The following ZBTB24 variants were observed in gnomAD, a reference collection of about 807,000 sequenced individuals.
The protein encoded by ZBTB24 is zinc finger and BTB domain-containing protein 24.
In ZBTB24, 32 loss-of-function variants were observed where a neutral mutation model predicts 53.8. The ratio of observed to expected loss-of-function variants is 0.60; its 90% CI spans 0.45 to 0.80. The LOEUF (loss-of-function observed/expected upper bound fraction) is 0.80. ZBTB24 is among the 30% of genes least tolerant of loss of function. The pLI is 0.00. For synonymous variants in ZBTB24, 297 were observed against 306.7 expected, an observed-to-expected ratio of 0.97 and a Z score of 0.33; for missense variants, 722 against 837.1, an observed-to-expected ratio of 0.86 and a Z score of 1.70.
At chr6:109,476,311 A>G in intron 3 of ZBTB24, 53 bp from the exon 4 acceptor site, 1 of 1,589,216 alleles carries the variant, frequency 6.3e-7, no homozygotes, top group South Asian at 1.1e-5. Flanking sequence ...AAGAACTGGA[A>G]TGCTCACTAA....
chr6:109,466,647 GC>G, intron 6 of ZBTB24, 73 bp from the exon 7 acceptor site: 1 of 1,573,256 alleles, frequency 6.4e-7, no homozygotes, highest in Non-Finnish European at 8.6e-7. Flanking sequence ...TTAGGGGGAA[GC>G]AATCAAGAGT....
At chr6:109,478,657 C>T (rs567040579) in intron 2 of ZBTB24, among the ~76,000 whole-genome samples, 4 of 152,104 alleles carry the variant, frequency 2.6e-5, no homozygotes, top group Non-Finnish European at 2.9e-5. Flanking sequence ...TCGGAGATCA[C>T]GCCATTGCAC....
rs770337922 is a variant in ZBTB24 at position 109,481,534 on chromosome 6, G to A, written c.493C>T (p.Pro165Ser). Residue 165 changes from proline (P) to serine (S), a missense_variant, in exon 2 of 7, where the codon CCA (proline) becomes TCA (serine). Coordinates refer to ENST00000230122, the MANE Select transcript of ZBTB24 (RefSeq NM_014797.3). ...NDPPKRKRGRPKKVNTLQEEK... is the reference protein window; with the variant it reads ...NDPPKRKRGRSKKVNTLQEEK... The stretch of plus-strand genomic sequence containing the variant: ...TCCTGCAATGTATTGACTTTTTTTG[G>A]TCTTCCCCGTTTCCGCTTTGGAGGA... The A allele has an allele frequency of 1.2e-6, 2 of 1,614,034 alleles. No homozygotes were observed. The highest frequency in any genetic ancestry group is 8.5e-7 in the Non-Finnish European group (1 of 1,180,008).
At chr6:109,472,790 T>C (rs137895058) in intron 5 of ZBTB24, among the ~76,000 whole-genome samples, 17 of 152,318 alleles carry the variant, frequency 1.1e-4, no homozygotes, top group East Asian at 7.7e-4. Context: ...CTTCTTAGTC[T>C]TCCCTAGCTT....
intron 5 of ZBTB24, among the ~76,000 whole-genome samples, chr6:109,474,422 T>G (rs1214463188): frequency 6.6e-6 from 1 of 152,002 alleles, no homozygotes; most frequent in Non-Finnish European, 1.5e-5. Flanking sequence ...CTGTTACATT[T>G]GGCTGTCTTT....
chr6:109,462,805 G>A lies in ZBTB24; in HGVS notation c.*3046C>T, dbSNP rs1225792550. The A allele has an allele frequency of 6.6e-6, 1 of 152,148 alleles. No homozygotes were observed. The highest frequency in any genetic ancestry group is 1.5e-5 in the Non-Finnish European group (1 of 68,038). 9.4% of individuals were successfully genotyped at this position (152,148 alleles called of 1,614,324 possible). A position where few individuals can be genotyped will look rare whatever the true frequency, so the allele number is the denominator to read the frequency against. ...TCACCTTCAAAACGAGGTGTTTCAG[G>A]AGCCCCAAAGCATAACATTCTATTT... On this transcript the variant is annotated 3_prime_UTR_variant, in exon 7 of 7. Coordinates refer to ENST00000230122, the MANE Select transcript of ZBTB24 (RefSeq NM_014797.3).
rs980544277 is a variant in ZBTB24, at chr6:109,483,207, C to T, written c.-138G>A. 2 of 152,020 alleles carry T rather than the reference C, an allele frequency of 1.3e-5. No individual in the cohort carries two copies. The highest frequency in any genetic ancestry group is 1.3e-4 in the Admixed American group (2 of 15,238). 9.4% of individuals were successfully genotyped at this position (152,020 alleles called of 1,614,324 possible). A position where few individuals can be genotyped will look rare whatever the true frequency, so the allele number is the denominator to read the frequency against. ...GGTTTCTGCTCCTGCGCCGCCGCCG[C>T]AGCCACAGCCACAGCCAACCCGGAA... On this transcript the variant is annotated 5_prime_UTR_variant, in exon 1 of 7. Coordinates refer to ENST00000230122, the MANE Select transcript of ZBTB24 (RefSeq NM_014797.3).
Position 109,465,812 on chromosome 6 carries a change from T to C in ZBTB24, c.*39A>G. 6.2e-7 allele frequency: 1 copy of C among 1,614,136 alleles called. No individual in the cohort carries two copies. Among genetic ancestry groups the C allele is most frequent in the South Asian group, 1.1e-5 (1 of 91,086 alleles). On this transcript the variant is annotated 3_prime_UTR_variant, in exon 7 of 7. Transcript: ENST00000230122. ...TCAAAATCCAGTCAGAGCTGGCTTA[T>C]AAGAAGAGCCCAATCAAGCAGTCAA...
At chr6:109,480,940 T>G (rs1776391893) in intron 2 of ZBTB24, 135 bp downstream of exon 2, 1 of 1,506,890 alleles carries the variant, frequency 6.6e-7, no homozygotes, top group Non-Finnish European at 8.8e-7. Context: ...TGGAGAAAAT[T>G]AACTGCAATA....
Position 109,465,241 on chromosome 6 carries a change from G to A in ZBTB24, c.*610C>T, listed in dbSNP as rs558156689. On this transcript the variant is annotated 3_prime_UTR_variant, in exon 7 of 7. Coordinates refer to ENST00000230122, the MANE Select transcript of ZBTB24 (RefSeq NM_014797.3). ...TTGAGTTAAAATACTGAGTTTATGA[G>A]TTTGAATCTTTCTGAAGTGTTAACA... 9 of 161,228 alleles carry A rather than the reference G, an allele frequency of 5.6e-5. No individual in the cohort carries two copies. The South Asian group carries it at 1.7e-3, about 31-fold the overall frequency. 10.0% of individuals were successfully genotyped at this position (161,228 alleles called of 1,614,324 possible).
chr6:109,475,598 C>T, intron 4 of ZBTB24, 116 bp from the exon 5 acceptor site: 2 of 1,274,218 alleles, frequency 1.6e-6, no homozygotes, highest in Non-Finnish European at 2.2e-6. Context: ...AGTACTTTAA[C>T]CACAAAAATT....
At chr6:109,467,265 G>GT (rs1776064867) in intron 6 of ZBTB24, among the ~76,000 whole-genome samples, 1 of 152,180 alleles carries the variant, frequency 6.6e-6, no homozygotes, top group South Asian at 2.1e-4. Flanking sequence ...GCTCACACCT[G>GT]TAATCCCAAC....
rs1775975608 is a variant in ZBTB24 at position 109,464,106 on chromosome 6, C to T, written c.*1745G>A. The T allele has an allele frequency of 1.3e-5, 2 of 152,136 alleles. No individual in the cohort carries two copies. The highest frequency in any genetic ancestry group is 1.3e-4 in the Admixed American group (2 of 15,274). The allele number at this position is 152,136 out of a possible 1,614,324, so 9.4% of individuals were successfully genotyped here. ...TTTGTGTTTTAAGAATAAAATTAAA[C>T]AGTTTAAACGAGAACCTGAAATAAT... On this transcript the variant is annotated 3_prime_UTR_variant, in exon 7 of 7. Transcript: ENST00000230122.
Position 109,481,167 on chromosome 6 carries a change from T to C in ZBTB24, c.860A>G (p.Lys287Arg), listed in dbSNP as rs1456427014. 19 of 1,614,110 alleles carry C rather than the reference T, an allele frequency of 1.2e-5. 1 individual carries two copies. In the Middle Eastern group the frequency reaches 6.6e-4, roughly 56 times the overall value. The change falls in exon 2 of 7, where the codon AAG becomes AGG. Residue 287 changes from lysine to arginine, a missense_variant. By Grantham distance (26) the Lys-to-Arg change is conservative. Coordinates refer to ENST00000230122, the MANE Select transcript of ZBTB24 (RefSeq NM_014797.3). Reference sequence around the variant, plus strand: ...GCGGGCCTCAGGGCCTCCAGGGCGCTTTCTCCTTCCACAGATCCTCTTGGC... The same window carrying C: ...GCGGGCCTCAGGGCCTCCAGGGCGCCTTCTCCTTCCACAGATCCTCTTGGC... ...GSAKRICGRRKRPGGPEARCK... is the reference protein window; with the variant it reads ...GSAKRICGRRRRPGGPEARCK...
At chr6:109,482,976 A>AC (rs1193487773) in intron 1 of ZBTB24, 122 bp downstream of exon 1, 4 of 151,706 alleles carry the variant, frequency 2.6e-5, no homozygotes, top group African/African-American at 9.7e-5. Flanking sequence ...GCGCGGAAAG[A>AC]CCCCCACCTC....
chr6:109,477,059 A>C (rs978480300), intron 2 of ZBTB24, 129 bp from the exon 3 acceptor site: 5 of 1,294,036 alleles, frequency 3.9e-6, no homozygotes, highest in Non-Finnish European at 5.4e-6. Flanking sequence ...AATGAACACA[A>C]GAGACATCAG....
At chr6:109,480,953 A>G in intron 2 of ZBTB24, 122 bp downstream of exon 2, 1 of 1,520,568 alleles carries the variant, frequency 6.6e-7, no homozygotes, top group Non-Finnish European at 8.8e-7. Flanking sequence ...CTGCAATAAC[A>G]TGTATAAAGG....
intron 5 of ZBTB24, among the ~76,000 whole-genome samples, chr6:109,469,190 A>G (rs751749484): frequency 6.6e-6 from 1 of 152,236 alleles, no homozygotes; most frequent in Non-Finnish European, 1.5e-5. Flanking sequence ...TAATCTGTCT[A>G]TAGCTTTCTA....
chr6:109,474,344 CTTAAGT>C (rs1011597418), intron 5 of ZBTB24, among the ~76,000 whole-genome samples: 16 of 152,274 alleles, frequency 1.1e-4, no homozygotes, highest in East Asian at 7.7e-4. Context: ...GGTGGTGCTG[CTTAAGT>C]TTAAGTGTTG....
Sources: gnomAD v4.1 joint callset for allele counts (sites outside exome capture counted in the v4.1 genomes callset) on GRCh38, gnomAD v4.1.1 for gene constraint, MANE v1.5 for transcripts, NCBI Gene and HGNC (gene_info 2026-07-23, HGNC 2026-07-21) for gene names.